The following XXYLT1 variants were observed in gnomAD, a reference collection of about 807,000 sequenced individuals.
The protein encoded by XXYLT1 is xyloside xylosyltransferase 1.
A neutral mutation model predicts 28.9 loss-of-function variants in XXYLT1; 20 were observed. The ratio of observed to expected loss-of-function variants is 0.69; its 90% CI spans 0.49 to 1.00. The LOEUF (loss-of-function observed/expected upper bound fraction) is 1.00, where lower values mean the gene tolerates loss of function less well. XXYLT1 is among the 50% of genes least tolerant of loss of function. XXYLT1 has a pLI of 0.00. For missense variants in XXYLT1, 542 were observed against 560.1 expected (o/e 0.97, Z 0.33); for synonymous variants, 257 against 253.8 (o/e 1.01, Z -0.12).
At chr3:195,258,047 T>A (rs964213523) in intron 1 of XXYLT1, among the ~76,000 whole-genome samples, 1 of 152,162 alleles carries the variant, frequency 6.6e-6, no homozygotes, top group Non-Finnish European at 1.5e-5. Flanking sequence ...TTTTTCAGAC[T>A]GACAAATCCA....
Position 195,129,378 on chromosome 3 carries a change from C to A in XXYLT1, c.785+27071G>T, listed in dbSNP as rs1443141855. Among the ~76,000 whole-genome samples, 1 of 152,190 alleles carries A rather than the reference C, an allele frequency of 6.6e-6. No homozygotes were observed. The highest frequency in any genetic ancestry group is 1.5e-5 in the Non-Finnish European group (1 of 68,034). On this transcript the variant is annotated intron_variant, in intron 3 of 3. Coordinates refer to ENST00000310380, the MANE Select transcript of XXYLT1 (RefSeq NM_152531.5). This position sits in a 1 kb window ranked among gnomAD's most constrained non-coding sequence, Gnocchi z 4.4. ...TATTTTCATCACCTCAAAAAGAAAT[C>A]TCGTACCCTTTAGCTATCGCTCCCC...
intron 2 of XXYLT1, among the ~76,000 whole-genome samples, chr3:195,200,848 G>A (rs565835992): frequency 1.5e-4 from 23 of 152,116 alleles, no homozygotes; most frequent in Non-Finnish European, 2.8e-4. Context: ...TCACGGGTCC[G>A]CTGGCTCCAT....
rs746677977 is a variant in XXYLT1 at position 195,150,820 on chromosome 3, ACACT to A, written c.785+5625_785+5628del. On this transcript the variant is annotated intron_variant, in intron 3 of 3. Coordinates refer to ENST00000310380, the MANE Select transcript of XXYLT1 (RefSeq NM_152531.5). This position sits in a 1 kb window ranked among gnomAD's most constrained non-coding sequence, Gnocchi z 4.7. ...CACTCTCACACACTCACATACACACACACTCACACATACGCACACTCTCTCACAC... is the reference window on the plus strand; with the variant it reads ...CACTCTCACACACTCACATACACACACACACATACGCACACTCTCTCACAC... Among the ~76,000 whole-genome samples the A allele has an allele frequency of 7.3e-5, 11 of 150,192 alleles. No individual in the cohort carries two copies. The highest frequency in any genetic ancestry group is 2.1e-4 in the South Asian group (1 of 4,712).
At chr3:195,094,940 A>G (rs956090362) in intron 3 of XXYLT1, among the ~76,000 whole-genome samples, 1 of 152,166 alleles carries the variant, frequency 6.6e-6, no homozygotes, top group African/African-American at 2.4e-5. Context: ...GTTCTCTCAC[A>G]TAAGAGTTAC....
At chr3:195,087,945 G>GT (rs1480045050) in intron 3 of XXYLT1, among the ~76,000 whole-genome samples, 1 of 151,912 alleles carries the variant, frequency 6.6e-6, no homozygotes, top group East Asian at 1.9e-4. Context: ...GGAAAATCGG[G>GT]TCACTCCCAC....
In XXYLT1 at chr3:195,088,410, C is replaced by G. The variant is rs895398248; in HGVS notation, c.786-18299G>C. Reference sequence around the variant, plus strand: ...CCGAGCAGCCTAACTGGGAGGCACCCCCCAGCGGGGCACCTCACAGGGCCG... The same window carrying G: ...CCGAGCAGCCTAACTGGGAGGCACCGCCCAGCGGGGCACCTCACAGGGCCG... On this transcript the variant is annotated intron_variant, in intron 3 of 3. Coordinates refer to ENST00000310380, the MANE Select transcript of XXYLT1 (RefSeq NM_152531.5). 6.2e-5 allele frequency among the ~76,000 whole-genome samples: 9 copies of G among 145,150 alleles called. 1 individual carries two copies. Among genetic ancestry groups the G allele is most frequent in the East Asian group, 4.3e-4 (2 of 4,636 alleles).
intron 2 of XXYLT1, among the ~76,000 whole-genome samples, chr3:195,181,772 T>C (rs1721964787): frequency 1.3e-5 from 2 of 152,182 alleles, no homozygotes; most frequent in African/African-American, 4.8e-5. Flanking sequence ...GCTGATACCC[T>C]TAACCACTGC....
Position 195,072,548 on chromosome 3 carries a change from C to T in XXYLT1, c.786-2437G>A, listed in dbSNP as rs564945974. The stretch of plus-strand genomic sequence containing the variant: ...GGAGAAGGCCACAGCACAAGTGGCT[C>T]TTTGGGGACAATGCTCAGCACCACC... On this transcript the variant is annotated intron_variant, in intron 3 of 3. Coordinates refer to ENST00000310380, the MANE Select transcript of XXYLT1 (RefSeq NM_152531.5). Among the ~76,000 whole-genome samples, 25 of 152,244 alleles carry T rather than the reference C, an allele frequency of 1.6e-4. 1 individual carries two copies. The highest frequency in any genetic ancestry group is 1.6e-3 in the Admixed American group (25 of 15,296).
chr3:195,101,377 C>T (rs1452755920), intron 3 of XXYLT1, among the ~76,000 whole-genome samples: 1 of 152,268 alleles, frequency 6.6e-6, no homozygotes, highest in African/African-American at 2.4e-5. Context: ...AGTATCTTTA[C>T]TCTCAGGGCA....
intron 3 of XXYLT1, among the ~76,000 whole-genome samples, chr3:195,096,514 A>T (rs892368703): frequency 6.6e-5 from 10 of 151,666 alleles, no homozygotes; most frequent in Admixed American, 6.6e-4. Flanking sequence ...CACACGATAC[A>T]CACACACACA....
At chr3:195,190,626 A>G (rs979655874) in intron 2 of XXYLT1, among the ~76,000 whole-genome samples, 28 of 152,102 alleles carry the variant, frequency 1.8e-4, no homozygotes, top group African/African-American at 6.5e-4. Flanking sequence ...ACTAATATAA[A>G]AGATTGAATA....
chr3:195,201,998 G>A (rs1221687645), intron 2 of XXYLT1, among the ~76,000 whole-genome samples: 1 of 152,138 alleles, frequency 6.6e-6, no homozygotes, highest in East Asian at 1.9e-4. Context: ...CCAACATGGA[G>A]AAACCCCGTC....
intron 2 of XXYLT1, chr3:195,184,738 C>G (rs1488624756): frequency 6.1e-6 from 6 of 985,244 alleles, no homozygotes; most frequent in Non-Finnish European, 7.2e-6. Context: ...ATCATAGACA[C>G]AGTAGGCTGG....
intron 2 of XXYLT1, among the ~76,000 whole-genome samples, chr3:195,200,924 T>C (rs1366425524): frequency 6.6e-6 from 1 of 152,034 alleles, no homozygotes; most frequent in African/African-American, 2.4e-5. Flanking sequence ...GTGAAGAAAA[T>C]CAGGTTCTCA....
At chr3:195,143,451 C>T (rs987744983) in intron 3 of XXYLT1, among the ~76,000 whole-genome samples, 4 of 152,058 alleles carry the variant, frequency 2.6e-5, no homozygotes, top group Admixed American at 1.3e-4. Context: ...CACAGAGTTC[C>T]GGCTTCTTTT....
At chr3:195,142,832 C>T (rs1268112153) in intron 3 of XXYLT1, among the ~76,000 whole-genome samples, 2 of 152,252 alleles carry the variant, frequency 1.3e-5, no homozygotes, top group Non-Finnish European at 2.9e-5. Context: ...ATACCTGCCA[C>T]ATCACGCCCA....
chr3:195,177,738 C>T (rs1056866531), intron 2 of XXYLT1, among the ~76,000 whole-genome samples: 6 of 151,252 alleles, frequency 4.0e-5, no homozygotes, highest in Non-Finnish European at 8.8e-5. Flanking sequence ...CCAGCCTGGG[C>T]AACACAGCAA....
rs1419365952 is a variant in XXYLT1 at position 195,226,812 on chromosome 3, G to C, written c.549C>G (p.Pro183=). 6.2e-7 allele frequency: 1 copy of C among 1,613,830 alleles called. No homozygotes were observed. Among genetic ancestry groups the C allele is most frequent in the Non-Finnish European group, 8.5e-7 (1 of 1,179,986 alleles). Residue 183 remains proline, a synonymous_variant, in exon 2 of 4, where the codon CCC becomes CCG. Transcript: ENST00000310380. ...DVAVLTDKLF[P]IVEAMQKHFS... is the part of the protein sequence containing the mutation. ...AGTGCTTCTGCATGGCCTCCACGAT[G>C]GGGAAGAGCTTATCCGTCAGCACAG...
At chr3:195,186,126 A>G (rs993285609) in intron 2 of XXYLT1, among the ~76,000 whole-genome samples, 3 of 152,180 alleles carry the variant, frequency 2.0e-5, no homozygotes, top group Non-Finnish European at 4.4e-5. Flanking sequence ...AAGCCACCAC[A>G]GAGCTGCTCC....
Sources: gnomAD v4.1 joint callset for allele counts (sites outside exome capture counted in the v4.1 genomes callset) on GRCh38, gnomAD v4.1.1 for gene constraint, Gnocchi (gnomAD v3.1) non-coding constraint, MANE v1.5 for transcripts, NCBI Gene and HGNC (gene_info 2026-07-23, HGNC 2026-07-21) for gene names.